The following NID1 variants were observed in gnomAD, a reference collection of about 807,000 sequenced individuals.
NID1 encodes nidogen-1.
A neutral mutation model predicts 130.6 loss-of-function variants in NID1; 76 were observed. The observed-to-expected ratio is 0.58, with a 90% CI of 0.48 to 0.70. NID1 has a LOEUF of 0.70. NID1 is among the 30% of genes least tolerant of loss of function. The pLI is 0.00. For missense variants in NID1, 1,517 were observed against 1,664.8 expected (o/e 0.91, Z 1.54); for synonymous variants, 665 against 675.1 (o/e 0.98, Z 0.23).
At chr1:235,991,697 A>G (rs1013723222) in intron 13 of NID1, among the ~76,000 whole-genome samples, 1 of 152,064 alleles carries the variant, frequency 6.6e-6, no homozygotes, top group Non-Finnish European at 1.5e-5. Context: ...GTGCTAGAGG[A>G]AGGAACCAAA....
At chr1:236,011,301 T>C (rs182438652) in intron 12 of NID1, among the ~76,000 whole-genome samples, 2,223 of 143,760 alleles carry the variant, frequency 0.015, 25 homozygotes, top group Middle Eastern at 0.021. Flanking sequence ...ATATTCTTTT[T>C]TTTTCTTTTT....
chr1:236,029,249 CA>C (rs1659026460), intron 7 of NID1, among the ~76,000 whole-genome samples: 1 of 151,826 alleles, frequency 6.6e-6, no homozygotes, highest in Non-Finnish European at 1.5e-5. Flanking sequence ...TGGGATATTT[CA>C]TATACATGTA....
chr1:236,058,008 T>A lies in NID1; in HGVS notation c.225+6847A>T, dbSNP rs150907082. ...CACGTTCCTTGCTGTATTGATCATATCGCAAAACCCTCATGGGGTGAATGC... is the reference window on the plus strand; with the variant it reads ...CACGTTCCTTGCTGTATTGATCATAACGCAAAACCCTCATGGGGTGAATGC... On this transcript the variant is annotated intron_variant, in intron 1 of 19. Coordinates refer to ENST00000264187, the MANE Select transcript of NID1 (RefSeq NM_002508.3). Among the ~76,000 whole-genome samples the A allele has an allele frequency of 1.7e-3, 261 of 152,298 alleles. 1 individual carries two copies. Among genetic ancestry groups the A allele is most frequent in the African/African-American group, 6.1e-3 (253 of 41,566 alleles).
intron 8 of NID1, among the ~76,000 whole-genome samples, chr1:236,024,507 T>G (rs1302887141): frequency 6.6e-6 from 1 of 152,266 alleles, no homozygotes; most frequent in African/African-American, 2.4e-5. Context: ...AGAGACTGTA[T>G]AGCCAGCAAA....
intron 1 of NID1, among the ~76,000 whole-genome samples, chr1:236,053,057 G>A (rs1659806933): frequency 6.6e-6 from 1 of 152,224 alleles, no homozygotes; most frequent in African/African-American, 2.4e-5. Flanking sequence ...AACTTCGTGG[G>A]TCAGAAGTGT....
intron 3 of NID1, among the ~76,000 whole-genome samples, chr1:236,044,703 A>G (rs985542272): frequency 6.6e-6 from 1 of 152,194 alleles, no homozygotes; most frequent in African/African-American, 2.4e-5. Context: ...ATAATGGGAG[A>G]GGAAAGGTTT....
intron 1 of NID1, among the ~76,000 whole-genome samples, chr1:236,057,559 G>A (rs531673698): frequency 6.6e-6 from 1 of 151,724 alleles, no homozygotes; most frequent in Admixed American, 6.6e-5. Context: ...CTGAAACTCT[G>A]TCTCTACTAA....
At position 235,981,671 on chromosome 1, in the gene NID1, C is replaced by A; in HGVS notation, c.3167G>T (p.Arg1056Leu). 3 of 1,614,200 alleles carry A rather than the reference C, an allele frequency of 1.9e-6. No homozygotes were observed. The highest frequency in any genetic ancestry group is 2.5e-6 in the Non-Finnish European group (3 of 1,180,028). ...EVAKLDGTQRRVLFETDLVNP... is the reference protein window; with the variant it reads ...EVAKLDGTQRLVLFETDLVNP... ...CACCAAGTCAGTCTCAAAGAGCACC[C>A]GGCGCTGCGTGCCGTCCAGCTTCGC... is the stretch of plus-strand genomic sequence containing the variant. Residue 1056 changes from arginine (R) to leucine (L), a missense_variant, in exon 16 of 20, where the codon CGG becomes CTG. Arg to Leu is a moderately radical substitution (Grantham distance 102). Transcript: ENST00000264187.
chr1:235,981,436 A>G (rs1657433598), intron 16 of NID1, among the ~76,000 whole-genome samples, 175 bp downstream of exon 16: 1 of 152,246 alleles, frequency 6.6e-6, no homozygotes, highest in African/African-American at 2.4e-5. Context: ...ACACTGTAAT[A>G]CATGTTCTGG....
intron 4 of NID1, among the ~76,000 whole-genome samples, chr1:236,038,865 T>C (rs1049641590): frequency 4.3e-5 from 5 of 116,088 alleles, no homozygotes; most frequent in Admixed American, 2.9e-4. Context: ...ATATAGGTCA[T>C]ATATAATATA....
intron 14 of NID1, 134 bp downstream of exon 14, chr1:235,990,752 C>T (rs1558423138): frequency 4.5e-6 from 4 of 895,806 alleles, no homozygotes; most frequent in Non-Finnish European, 7.0e-6. Context: ...TAGAGATGGT[C>T]ACCCAGGACT....
At chr1:236,033,861 G>GA (rs1659169129) in intron 5 of NID1, among the ~76,000 whole-genome samples, 1 of 151,746 alleles carries the variant, frequency 6.6e-6, no homozygotes, top group Non-Finnish European at 1.5e-5. Context: ...GTTTAAACAG[G>GA]AAAAAAATAA....
chr1:235,999,935 C>T lies in NID1; in HGVS notation c.2528-6063G>A, dbSNP rs1445447465. Among the ~76,000 whole-genome samples, 5 of 152,100 alleles carry T rather than the reference C, an allele frequency of 3.3e-5. No individual in the cohort carries two copies. In the East Asian group the frequency reaches 7.7e-4, roughly 23 times the overall value. On this transcript the variant is annotated intron_variant, in intron 12 of 19. Transcript: ENST00000264187. ...GGACCTTAAGACTGAAAGAACAGGC[C>T]GGGCCCTGTGGCTCTCGCCTGTAAT...
At chr1:236,029,434 T>TGGTCGCC in intron 7 of NID1, 116 bp downstream of exon 7, 10 of 944,532 alleles carry the variant, frequency 1.1e-5, no homozygotes, top group Admixed American at 8.7e-5. Flanking sequence ...TAAGGCCCGG[T>TGGTCGCC]GTATTTCCCT....
rs1572571553 is a variant in NID1, at chr1:235,976,032, G to T, written c.*1835C>A. 3 of 152,586 alleles carry T rather than the reference G, an allele frequency of 2.0e-5. No homozygotes were observed. The East Asian group carries it at 5.8e-4, about 29-fold the overall frequency. The allele number at this position is 152,586 out of a possible 1,614,324, so 9.5% of individuals were successfully genotyped here. A position where few individuals can be genotyped will look rare whatever the true frequency, so the allele number is the denominator to read the frequency against. On this transcript the variant is annotated 3_prime_UTR_variant, in exon 20 of 20. Coordinates refer to ENST00000264187, the MANE Select transcript of NID1 (RefSeq NM_002508.3). ...AGTTATAAAAATCATACAAAATCAT[G>T]ATGAACATTTGATATAGAGGGTTTA...
intron 19 of NID1, 118 bp downstream of exon 19, chr1:235,978,877 G>A (rs1657348447): frequency 1.5e-6 from 1 of 681,156 alleles, no homozygotes; most frequent in Non-Finnish European, 2.7e-6. Context: ...GCAAAGGACT[G>A]GATCTCTCTT....
chr1:236,057,677 A>G (rs1367308710), intron 1 of NID1, among the ~76,000 whole-genome samples: 1 of 151,976 alleles, frequency 6.6e-6, no homozygotes, highest in Non-Finnish European at 1.5e-5. Flanking sequence ...CAGCCTGGGC[A>G]ACAGAGTAAG....
intron 6 of NID1, among the ~76,000 whole-genome samples, chr1:236,031,394 T>C (rs1413126582): frequency 6.6e-6 from 1 of 152,212 alleles, no homozygotes; most frequent in Non-Finnish European, 1.5e-5. Flanking sequence ...CTGGGATTAC[T>C]GGCGTGAGCC....
intron 12 of NID1, 80 bp downstream of exon 12, chr1:236,011,841 T>C (rs1033612642): frequency 1.0e-5 from 16 of 1,532,852 alleles, no homozygotes; most frequent in South Asian, 2.2e-5. Context: ...TCTGGATTCA[T>C]GGACAGGGCA....
Sources: allele counts gnomAD v4.1 joint callset (sites outside exome capture counted in the v4.1 genomes callset), GRCh38; gene constraint gnomAD v4.1.1; transcripts MANE v1.5; gene names NCBI Gene and HGNC (gene_info 2026-07-23, HGNC 2026-07-21).